Variants in CHRFAM7A observed in about 807,000 individuals in gnomAD.
The protein encoded by CHRFAM7A is CHRNA7 (exons 5-10) and FAM7A (exons A-E) fusion.
CHRFAM7A carries 3 observed loss-of-function variants against 29.2 expected under a neutral mutation model. The ratio of observed to expected loss-of-function variants is 0.10; its 90% CI spans 0.05 to 0.27. The LOEUF (loss-of-function observed/expected upper bound fraction) is 0.27, where lower values mean the gene tolerates loss of function less well. Among genes scored for constraint, CHRFAM7A ranks in the 10% least tolerant of loss-of-function variants. The pLI is 1.00. For missense variants in CHRFAM7A, 22 were observed against 328.0 expected (o/e 0.07, Z 7.21); for synonymous variants, 7 against 135.4 (o/e 0.05, Z 6.58).
At chr15:30,375,653 TGGTGTGTGTGAGG>T (rs1235671969) in intron 5 of CHRFAM7A, among the ~76,000 whole-genome samples, 1 of 143,742 alleles carries the variant, frequency 7.0e-6, no homozygotes, top group African/African-American at 2.6e-5. Context: ...GGTGTGTAAG[TGGTGTGTGTGAGG>T]GGTGTGTGTG....
intron 9 of CHRFAM7A, among the ~76,000 whole-genome samples, chr15:30,363,197 G>T (rs1796985047): frequency 6.8e-6 from 1 of 146,224 alleles, no homozygotes; most frequent in South Asian, 2.1e-4. Context: ...CACACTACCT[G>T]TTAGGTGCCC....
chr15:30,375,576 ATGTG>A (rs1381153771), intron 5 of CHRFAM7A, among the ~76,000 whole-genome samples: 9 of 149,778 alleles, frequency 6.0e-5, no homozygotes, highest in Admixed American at 3.3e-4. Flanking sequence ...GCATGCCTGC[ATGTG>A]TGTAAGTGGT....
chr15:30,376,006 G>C (rs377173931), intron 5 of CHRFAM7A, among the ~76,000 whole-genome samples: 30 of 150,742 alleles, frequency 2.0e-4, no homozygotes, highest in Middle Eastern at 3.2e-3. Flanking sequence ...GAGTGGTTGT[G>C]TGAGTGGTGT....
At chr15:30,370,984 A>G (rs2140877003) in intron 8 of CHRFAM7A, 114 bp downstream of exon 8, 1 of 1,514,264 alleles carries the variant, frequency 6.6e-7, no homozygotes, top group East Asian at 2.3e-5. Context: ...CACCTTCCAG[A>G]GAAAATGGGG....
At position 30,362,967 on chromosome 15, in the gene CHRFAM7A, C is replaced by T. The variant is rs548447468; in HGVS notation, c.721-156G>A. On this transcript the variant is annotated intron_variant, in intron 9 of 9. Transcript: ENST00000299847. ...GATTTTAGCAGGCAAGCAGTGCTTG[C>T]GTATGACAAGCAGTCGAGTTCAACG... Among the ~76,000 whole-genome samples the T allele has an allele frequency of 7.7e-4, 116 of 151,048 alleles. 2 individuals carry two copies. Among genetic ancestry groups the T allele is most frequent in the Middle Eastern group, 3.4e-3 (1 of 292 alleles).
intron 5 of CHRFAM7A, among the ~76,000 whole-genome samples, chr15:30,373,540 G>T (rs2058889304): frequency 7.5e-6 from 1 of 133,046 alleles, no homozygotes; most frequent in South Asian, 2.4e-4. Context: ...GTGTGTGTGT[G>T]TGTGTCTGTT....
intron 5 of CHRFAM7A, among the ~76,000 whole-genome samples, chr15:30,376,059 T>G (rs1259793535): frequency 6.7e-6 from 1 of 149,156 alleles, no homozygotes; most frequent in South Asian, 2.1e-4. Context: ...ACAGTGTGTG[T>G]GGGTGGTGTG....
At chr15:30,367,204 T>C (rs1371303008) in intron 9 of CHRFAM7A, among the ~76,000 whole-genome samples, 1 of 151,032 alleles carries the variant, frequency 6.6e-6, no homozygotes, top group African/African-American at 2.4e-5. Context: ...GAGAATTGCT[T>C]GAATCCAGGA....
intron 4 of CHRFAM7A, among the ~76,000 whole-genome samples, chr15:30,377,888 T>C (rs2058950084): frequency 7.2e-6 from 1 of 138,204 alleles, no homozygotes; most frequent in South Asian, 2.4e-4. Context: ...GTTACAGTAT[T>C]ACACTATTAC....
At position 30,363,080 on chromosome 15, in the gene CHRFAM7A, C is replaced by T. The variant is rs570521278; in HGVS notation, c.721-269G>A. On this transcript the variant is annotated intron_variant, in intron 9 of 9. Coordinates refer to ENST00000299847, the MANE Select transcript of CHRFAM7A (RefSeq NM_139320.2). ...ACTGCAATCTCAGGGAAGACAGCTTCGTGGAAGGGGAAGGCTATCTGAGCT... is the reference window on the plus strand; with the variant it reads ...ACTGCAATCTCAGGGAAGACAGCTTTGTGGAAGGGGAAGGCTATCTGAGCT... Among the ~76,000 whole-genome samples the T allele has an allele frequency of 4.6e-5, 7 of 151,658 alleles. No homozygotes were observed. In the South Asian group the frequency reaches 1.5e-3, roughly 31 times the overall value.
chr15:30,377,680 T>A (rs1287453196), intron 4 of CHRFAM7A, among the ~76,000 whole-genome samples: 1 of 140,938 alleles, frequency 7.1e-6, no homozygotes, highest in Non-Finnish European at 1.5e-5. Context: ...GTTCATGTCA[T>A]CCTCCTGCCT....
At chr15:30,374,598 G>C (rs2058901131) in intron 5 of CHRFAM7A, among the ~76,000 whole-genome samples, 1 of 142,950 alleles carries the variant, frequency 7.0e-6, no homozygotes, top group Non-Finnish European at 1.5e-5. Context: ...GCTGGGAGTA[G>C]GAATGGGAAT....
intron 9 of CHRFAM7A, among the ~76,000 whole-genome samples, chr15:30,366,830 A>G (rs1595498726): frequency 6.8e-6 from 1 of 146,764 alleles, no homozygotes; most frequent in East Asian, 2.0e-4. Context: ...GCTTCTCAAA[A>G]CACCGTGCTG....
chr15:30,373,292 C>T, intron 5 of CHRFAM7A, 147 bp from the exon 6 acceptor site: 2 of 1,250,372 alleles, frequency 1.6e-6, no homozygotes, highest in Non-Finnish European at 1.1e-6. Flanking sequence ...TATTTATTCG[C>T]AAAATCTGTA....
rs772051469 is a variant in CHRFAM7A at position 30,372,316 on chromosome 15, C to A, written c.354G>T (p.Arg118Ser). The A allele has an allele frequency of 6.3e-6, 8 of 1,272,286 alleles. 1 individual carries two copies. In the East Asian group the frequency reaches 7.0e-5, roughly 11 times the overall value. 78.8% of individuals were successfully genotyped at this position (1,272,286 alleles called of 1,614,324 possible). ...LVGIPGKRSE[R>S]FYECCKEPYP... is the part of the protein sequence containing the mutation. The stretch of plus-strand genomic sequence containing the variant: ...AGGGCTCTTTGCAGCACTCATAGAA[C>A]CTTTCACTCCTCTTGCCGGGGATTC... The change falls in exon 7 of 10, where the codon AGG (arginine) becomes AGT (serine). Residue 118 changes from arginine to serine, a missense_variant. By Grantham distance (110) the Arg-to-Ser change is moderately radical. Coordinates refer to ENST00000299847, the MANE Select transcript of CHRFAM7A (RefSeq NM_139320.2).
upstream of CHRFAM7A, chr15:30,393,732 CGCCCCGCGCGCACCCGGCGT>C: frequency 5.8e-5 from 1 of 17,136 alleles, no homozygotes; most frequent in Non-Finnish European, 1.2e-4. Flanking sequence ...CAACCCGGCG[CGCCCCGCGCGCACCCGGCGT>C]GCCCGCGCTA....
intron 5 of CHRFAM7A, among the ~76,000 whole-genome samples, chr15:30,373,733 G>A (rs1194745114): frequency 9.4e-6 from 1 of 105,858 alleles, no homozygotes. Context: ...CTAAGACATT[G>A]ACGTGGGAGG....
chr15:30,369,298 C>T (rs2058831531), intron 8 of CHRFAM7A, among the ~76,000 whole-genome samples: 1 of 150,104 alleles, frequency 6.7e-6, no homozygotes, highest in Non-Finnish European at 1.5e-5. Flanking sequence ...CCCCAGTCTA[C>T]AGCAATTTGT....
chr15:30,374,007 A>G (rs532624938), intron 5 of CHRFAM7A, among the ~76,000 whole-genome samples: 12 of 145,638 alleles, frequency 8.2e-5, no homozygotes, highest in African/African-American at 3.1e-4. Flanking sequence ...ACAAACAAAA[A>G]CAAGAACAGA....
Sources: allele counts gnomAD v4.1 joint callset (sites outside exome capture counted in the v4.1 genomes callset), GRCh38; gene constraint gnomAD v4.1.1; transcripts MANE v1.5; gene names NCBI Gene and HGNC (gene_info 2026-07-23, HGNC 2026-07-21).